Variants in PLCXD3 observed in about 807,000 individuals in gnomAD.
PLCXD3 encodes the protein PI-PLC X domain-containing protein 3.
In PLCXD3, 19 loss-of-function variants were observed where a neutral mutation model predicts 25.5. That is an observed-to-expected ratio of 0.75 (90% CI 0.52 to 1.09). The LOEUF (loss-of-function observed/expected upper bound fraction) is 1.09. PLCXD3 is among the 50% of genes least tolerant of loss of function. The pLI is 0.00. For synonymous variants in PLCXD3, 174 were observed against 137.6 expected (o/e 1.26, Z -1.85); for missense variants, 411 against 388.1 (o/e 1.06, Z -0.50).
intron 2 of PLCXD3, among the ~76,000 whole-genome samples, chr5:41,314,710 G>A (rs1047811595): frequency 2.0e-5 from 3 of 152,050 alleles, no homozygotes; most frequent in Non-Finnish European, 1.5e-5. Context: ...AAAGAAGAGA[G>A]TAGTAAAAAA....
At chr5:41,341,425 C>T (rs1186829195) in intron 2 of PLCXD3, among the ~76,000 whole-genome samples, 2 of 152,096 alleles carry the variant, frequency 1.3e-5, no homozygotes, top group African/African-American at 4.8e-5. Flanking sequence ...TACTAGGAAG[C>T]TTAGATATAA....
At chr5:41,414,571 T>C (rs769684166) in intron 1 of PLCXD3, among the ~76,000 whole-genome samples, 3 of 152,242 alleles carry the variant, frequency 2.0e-5, no homozygotes, top group Non-Finnish European at 2.9e-5. Flanking sequence ...CTAATATCTC[T>C]GAATCAAATA....
intron 1 of PLCXD3, among the ~76,000 whole-genome samples, chr5:41,492,133 G>T (rs1054317904): frequency 2.0e-5 from 3 of 152,120 alleles, no homozygotes; most frequent in Non-Finnish European, 4.4e-5. Context: ...AGTCCTGGTG[G>T]TGACAAAATC....
intron 2 of PLCXD3, among the ~76,000 whole-genome samples, chr5:41,331,766 C>T (rs1448119045): frequency 6.6e-6 from 1 of 152,070 alleles, no homozygotes; most frequent in Non-Finnish European, 1.5e-5. Flanking sequence ...TGGAACAGAA[C>T]AGAGTCCTCA....
At chr5:41,327,707 T>C (rs1482010707) in intron 2 of PLCXD3, among the ~76,000 whole-genome samples, 2 of 152,260 alleles carry the variant, frequency 1.3e-5, no homozygotes, top group African/African-American at 4.8e-5. Context: ...CATCTATTTA[T>C]AGAATGGTCT....
At chr5:41,416,300 G>A (rs377512556) in intron 1 of PLCXD3, among the ~76,000 whole-genome samples, 1 of 152,230 alleles carries the variant, frequency 6.6e-6, no homozygotes, top group East Asian at 1.9e-4. Context: ...GGCTGGAATA[G>A]AGGTTTCCTA....
chr5:41,465,170 T>C (rs1222983792), intron 1 of PLCXD3, among the ~76,000 whole-genome samples: 1 of 151,866 alleles, frequency 6.6e-6, no homozygotes, highest in Non-Finnish European at 1.5e-5. Flanking sequence ...GTATGACATG[T>C]TTTTCATTAT....
At chr5:41,456,089 T>A (rs1384074164) in intron 1 of PLCXD3, among the ~76,000 whole-genome samples, 1 of 151,888 alleles carries the variant, frequency 6.6e-6, no homozygotes, top group African/African-American at 2.4e-5. Flanking sequence ...TAGGGTGTGA[T>A]AAAGGGAACT....
chr5:41,458,108 A>C (rs1047654102), intron 1 of PLCXD3, among the ~76,000 whole-genome samples: 1 of 151,870 alleles, frequency 6.6e-6, no homozygotes, highest in Non-Finnish European at 1.5e-5. Context: ...TTTAACCTGC[A>C]TGTGTTTTCC....
intron 1 of PLCXD3, among the ~76,000 whole-genome samples, chr5:41,435,230 C>G (rs1360366307): frequency 6.6e-6 from 1 of 152,184 alleles, no homozygotes. Context: ...ACAACTCTGT[C>G]ATCATTTTTA....
At chr5:41,460,424 A>G (rs1747848455) in intron 1 of PLCXD3, among the ~76,000 whole-genome samples, 2 of 151,956 alleles carry the variant, frequency 1.3e-5, no homozygotes, top group African/African-American at 4.8e-5. Context: ...GCATTATCAT[A>G]TCTATATTTT....
Position 41,510,487 on chromosome 5 carries a change from C to T in PLCXD3, c.40G>A (p.Asp14Asn). The stretch of plus-strand genomic sequence containing the variant: ...CTCTCCGGCAGAGTTGCCATCCAGT[C>T]GGCTAATTTCAGCTCGTTTTTCCCC... ...SQGKNELKLADWMATLPESMH... is the reference protein window; with the variant it reads ...SQGKNELKLANWMATLPESMH... Residue 14 changes from aspartate to asparagine, a missense_variant, in exon 1 of 3, where the codon GAC becomes AAC. Coordinates refer to ENST00000377801, the MANE Select transcript of PLCXD3 (RefSeq NM_001005473.3). The T allele has an allele frequency of 6.2e-7, 1 of 1,613,150 alleles. No homozygotes were observed. The highest frequency in any genetic ancestry group is 8.5e-7 in the Non-Finnish European group (1 of 1,179,514).
chr5:41,509,158 T>G (rs1325837644), intron 1 of PLCXD3, among the ~76,000 whole-genome samples: 4 of 152,140 alleles, frequency 2.6e-5, no homozygotes, highest in African/African-American at 9.7e-5. Flanking sequence ...TTCTTTTGTT[T>G]TTGTTTTTGT....
At chr5:41,335,812 A>G (rs749339290) in intron 2 of PLCXD3, among the ~76,000 whole-genome samples, 4 of 152,144 alleles carry the variant, frequency 2.6e-5, no homozygotes, top group Non-Finnish European at 4.4e-5. Context: ...GAAATCCTAC[A>G]GACAGAAATT....
chr5:41,459,554 G>T (rs564753468), intron 1 of PLCXD3, among the ~76,000 whole-genome samples: 7 of 151,684 alleles, frequency 4.6e-5, no homozygotes, highest in African/African-American at 1.4e-4. Flanking sequence ...GTCCCTTTAG[G>T]ATATCAATAC....
intron 2 of PLCXD3, among the ~76,000 whole-genome samples, chr5:41,345,969 T>C (rs1222048471): frequency 6.6e-6 from 1 of 152,020 alleles, no homozygotes; most frequent in Admixed American, 6.5e-5. Context: ...AATCTCCACC[T>C]ACTGGGTTCA....
chr5:41,403,405 T>TTGTTTTTTC (rs1746253220), intron 1 of PLCXD3, among the ~76,000 whole-genome samples: 1 of 35,420 alleles, frequency 2.8e-5, no homozygotes, highest in Non-Finnish European at 7.2e-5. Flanking sequence ...TTTGTTGTTT[T>TTGTTTTTTC]TTTTTTTTTT....
chr5:41,318,730 G>T (rs1437217378), intron 2 of PLCXD3, among the ~76,000 whole-genome samples: 2 of 152,086 alleles, frequency 1.3e-5, no homozygotes, highest in African/African-American at 4.8e-5. Context: ...AAAATGCAAG[G>T]AGTAAGTCCT....
At chr5:41,456,291 T>C (rs1230569054) in intron 1 of PLCXD3, among the ~76,000 whole-genome samples, 1 of 151,928 alleles carries the variant, frequency 6.6e-6, no homozygotes, top group African/African-American at 2.4e-5. Context: ...CTGTGGAAAT[T>C]ATCTGAATCC....
Sources: gnomAD v4.1 joint callset for allele counts (sites outside exome capture counted in the v4.1 genomes callset) on GRCh38, gnomAD v4.1.1 for gene constraint, MANE v1.5 for transcripts, NCBI Gene and HGNC (gene_info 2026-07-23, HGNC 2026-07-21) for gene names.